The following DIAPH3 variants were observed in gnomAD, a reference collection of about 807,000 sequenced individuals.
DIAPH3 encodes the protein protein diaphanous homolog 3.
In DIAPH3, 117 loss-of-function variants were observed where a neutral mutation model predicts 144.3. The observed-to-expected ratio is 0.81, with a 90% CI of 0.70 to 0.95. The LOEUF (loss-of-function observed/expected upper bound fraction) is 0.95. DIAPH3 is among the 40% of genes least tolerant of loss of function. The probability of loss-of-function intolerance (pLI) is 0.00; values close to 1 mark genes in which losing one functional copy is unlikely to be tolerated. For missense variants in DIAPH3, 1,421 were observed against 1,412.7 expected, an observed-to-expected ratio of 1.01 and a Z score of -0.09; for synonymous variants, 519 against 488.9, an observed-to-expected ratio of 1.06 and a Z score of -0.81.
intron 2 of DIAPH3, among the ~76,000 whole-genome samples, chr13:60,130,603 T>C (rs1334559105): frequency 6.6e-6 from 1 of 152,158 alleles, no homozygotes; most frequent in Non-Finnish European, 1.5e-5. Context: ...TGAGATCCAA[T>C]ACCAGGCAGG....
chr13:59,734,965 T>C (rs73544397), intron 27 of DIAPH3, among the ~76,000 whole-genome samples: 1,769 of 152,260 alleles, frequency 0.012, 51 homozygotes, highest in African/African-American at 0.04. Flanking sequence ...ACTAAAACTT[T>C]GAAAGAGAAA....
chr13:60,039,423 C>T (rs532263403), intron 5 of DIAPH3, among the ~76,000 whole-genome samples: 4 of 152,158 alleles, frequency 2.6e-5, no homozygotes, highest in Non-Finnish European at 5.9e-5. Context: ...CGTGCTTCAG[C>T]TTCCCAAGTG....
chr13:59,994,306 G>A (rs1409646544), intron 9 of DIAPH3, among the ~76,000 whole-genome samples: 1 of 151,822 alleles, frequency 6.6e-6, no homozygotes, highest in Non-Finnish European at 1.5e-5. Context: ...GTTTCTTTAT[G>A]GATAAATAAT....
chr13:59,931,796 G>A (rs1296726134), intron 17 of DIAPH3, among the ~76,000 whole-genome samples: 1 of 152,184 alleles, frequency 6.6e-6, no homozygotes, highest in Non-Finnish European at 1.5e-5. Flanking sequence ...AGCAACAGTT[G>A]AGGAACAGGT....
intron 22 of DIAPH3, among the ~76,000 whole-genome samples, chr13:59,850,128 T>C (rs1461220450): frequency 6.6e-6 from 1 of 151,890 alleles, no homozygotes; most frequent in Non-Finnish European, 1.5e-5. Flanking sequence ...TTGTCTGTTG[T>C]TGGTGTATAA....
At chr13:59,832,020 GCT>G (rs1374201834) in intron 24 of DIAPH3, among the ~76,000 whole-genome samples, 2 of 151,786 alleles carry the variant, frequency 1.3e-5, no homozygotes, top group Non-Finnish European at 2.9e-5. Context: ...TTCAAATCTA[GCT>G]CTCTCAGACT....
intron 2 of DIAPH3, among the ~76,000 whole-genome samples, chr13:60,131,911 A>G (rs1028867307): frequency 4.6e-5 from 7 of 152,238 alleles, no homozygotes; most frequent in African/African-American, 1.2e-4. Context: ...TAACTGTATC[A>G]CTTGCCAGCT....
At chr13:59,854,634 T>C (rs1323537529) in intron 22 of DIAPH3, among the ~76,000 whole-genome samples, 3 of 152,172 alleles carry the variant, frequency 2.0e-5, no homozygotes, top group East Asian at 3.9e-4. Flanking sequence ...ACCTACTTCA[T>C]ATTGCAAAAC....
Position 59,666,553 on chromosome 13 carries a change from C to T in DIAPH3, c.*31G>A, listed in dbSNP as rs985020598. On this transcript the variant is annotated 3_prime_UTR_variant, in exon 28 of 28. Transcript: ENST00000400324. ...GTTTAGAGCATGGCTTTATATTTGG[C>T]TTAATCATTTTTTTTAAAAACCAGT... 2 of 1,612,998 alleles carry T rather than the reference C, an allele frequency of 1.2e-6. No homozygotes were observed. The highest frequency in any genetic ancestry group is 2.7e-5 in the African/African-American group (2 of 74,854).
At chr13:60,045,562 ATTAC>A (rs1451124037) in intron 4 of DIAPH3, among the ~76,000 whole-genome samples, 3 of 152,178 alleles carry the variant, frequency 2.0e-5, no homozygotes, top group Non-Finnish European at 1.5e-5. Flanking sequence ...AGACTATTGC[ATTAC>A]TTACTTAATT....
chr13:59,902,440 T>C (rs1015580409), intron 20 of DIAPH3, among the ~76,000 whole-genome samples: 2 of 152,174 alleles, frequency 1.3e-5, no homozygotes, highest in Admixed American at 1.3e-4. Flanking sequence ...TTGCCATGCT[T>C]CCTGTAAGGC....
At chr13:59,847,844 T>C (rs1281975888) in intron 22 of DIAPH3, among the ~76,000 whole-genome samples, 1 of 152,182 alleles carries the variant, frequency 6.6e-6, no homozygotes, top group African/African-American at 2.4e-5. Flanking sequence ...AAATTTTTTC[T>C]CAAGCCTAGA....
At chr13:59,811,860 A>G (rs1307195210) in intron 24 of DIAPH3, among the ~76,000 whole-genome samples, 2 of 151,872 alleles carry the variant, frequency 1.3e-5, no homozygotes, top group African/African-American at 2.4e-5. Flanking sequence ...TTATTTGTTT[A>G]ATTTCTTATT....
intron 27 of DIAPH3, among the ~76,000 whole-genome samples, chr13:59,712,989 A>G (rs2034829425): frequency 6.6e-6 from 1 of 152,156 alleles, no homozygotes. Flanking sequence ...TTCACAATAG[A>G]GTTCGTGCTC....
intron 27 of DIAPH3, among the ~76,000 whole-genome samples, chr13:59,766,876 G>A (rs1443759248): frequency 3.9e-5 from 6 of 151,970 alleles, no homozygotes; most frequent in Admixed American, 1.3e-4. Flanking sequence ...CCAATACTGC[G>A]TTTCTCAAGG....
At chr13:60,133,974 A>T (rs2059205112) in intron 1 of DIAPH3, among the ~76,000 whole-genome samples, 1 of 152,162 alleles carries the variant, frequency 6.6e-6, no homozygotes, top group Non-Finnish European at 1.5e-5. Flanking sequence ...ATAGAATGAA[A>T]TTTATCATTC....
At chr13:59,748,350 C>G (rs2036810152) in intron 27 of DIAPH3, among the ~76,000 whole-genome samples, 2 of 152,182 alleles carry the variant, frequency 1.3e-5, no homozygotes, top group South Asian at 4.1e-4. Flanking sequence ...TACCAGTTCT[C>G]ATGCAATACA....
rs182313603 is a variant in DIAPH3 at position 59,923,106 on chromosome 13, C to T, written c.2170+1669G>A. ...ATTAAATTTGAAATCCCATGTAGAACATGTTCTGTAATACATAAATAAATA... is the reference window on the plus strand; with the variant it reads ...ATTAAATTTGAAATCCCATGTAGAATATGTTCTGTAATACATAAATAAATA... On this transcript the variant is annotated intron_variant, in intron 18 of 27. Coordinates refer to ENST00000400324, the MANE Select transcript of DIAPH3 (RefSeq NM_001042517.2). Among the ~76,000 whole-genome samples the T allele has an allele frequency of 5.2e-3, 793 of 152,184 alleles. 5 individuals carry two copies. Among genetic ancestry groups the T allele is most frequent in the Non-Finnish European group, 9.0e-3 (609 of 67,976 alleles).
intron 17 of DIAPH3, among the ~76,000 whole-genome samples, chr13:59,934,220 T>A (rs2048156122): frequency 6.6e-6 from 1 of 152,184 alleles, no homozygotes; most frequent in African/African-American, 2.4e-5. Context: ...TGGTGCTCCC[T>A]GGTTAAATGT....
Sources: allele counts gnomAD v4.1 joint callset (sites outside exome capture counted in the v4.1 genomes callset), GRCh38; gene constraint gnomAD v4.1.1; transcripts MANE v1.5; gene names NCBI Gene and HGNC (gene_info 2026-07-23, HGNC 2026-07-21).